Variants in WDR47 observed in about 807,000 individuals in gnomAD.
The protein encoded by WDR47 is WD repeat domain 47.
WDR47 carries 32 observed loss-of-function variants against 97.2 expected under a neutral mutation model. The observed-to-expected ratio is 0.33, with a 90% CI of 0.25 to 0.44. The LOEUF (loss-of-function observed/expected upper bound fraction) is 0.44, where lower values mean the gene tolerates loss of function less well. WDR47 is among the 20% of genes least tolerant of loss of function. The pLI, the probability that WDR47 is intolerant of heterozygous loss-of-function variation, is 1.00. For synonymous variants in WDR47, 375 were observed against 373.5 expected, an observed-to-expected ratio of 1.00 and a Z score of -0.05; for missense variants, 782 against 1,102.3, an observed-to-expected ratio of 0.71 and a Z score of 4.11.
chr1:108,983,103 G>C (rs568601621), intron 11 of WDR47, among the ~76,000 whole-genome samples, 179 bp downstream of exon 11: 1 of 151,830 alleles, frequency 6.6e-6, no homozygotes, highest in Non-Finnish European at 1.5e-5. Context: ...ACACCTGTAA[G>C]AATTTACTAA....
At chr1:109,015,715 C>T (rs543355408) in intron 3 of WDR47, among the ~76,000 whole-genome samples, 3 of 151,378 alleles carry the variant, frequency 2.0e-5, no homozygotes, top group African/African-American at 7.3e-5. Context: ...TTGCCAGGTG[C>T]GTTGGCTCAA....
rs777433340 is a variant in WDR47, at chr1:109,002,422, A to T, written c.1255-20T>A. ...TCGAAGCTTAAAAACATTAGAAAAA[A>T]ACATATATATTTGAGCAAACTATGA... On this transcript the variant is annotated intron_variant, in intron 6 of 14. Coordinates refer to ENST00000369962, the MANE Select transcript of WDR47 (RefSeq NM_001142551.2). 1.6e-4 allele frequency: 244 copies of T among 1,551,708 alleles called. 2 individuals carry two copies. The highest frequency in any genetic ancestry group is 1.1e-3 in the East Asian group (49 of 42,896).
At chr1:109,013,811 G>A (rs931774793) in intron 4 of WDR47, 30 bp downstream of exon 4, 7 of 1,607,606 alleles carry the variant, frequency 4.4e-6, no homozygotes, top group Non-Finnish European at 5.9e-6. Flanking sequence ...ACAAGACTAG[G>A]GCGCAAACCT....
chr1:109,033,887 T>G (rs529787952), intron 1 of WDR47, among the ~76,000 whole-genome samples: 58 of 151,794 alleles, frequency 3.8e-4, no homozygotes, highest in African/African-American at 1.3e-3. Context: ...GCCACTGCAC[T>G]CCAGCCTGGC....
chr1:109,021,283 T>G (rs1042017124), intron 2 of WDR47, among the ~76,000 whole-genome samples: 5 of 152,108 alleles, frequency 3.3e-5, no homozygotes, highest in Non-Finnish European at 5.9e-5. Context: ...ATCCCAGCAC[T>G]TTGGGAGGCC....
In WDR47 at chr1:109,004,657, C is replaced by G; in HGVS notation, c.1189G>C (p.Val397Leu). 6.2e-7 allele frequency: 1 copy of G among 1,613,682 alleles called. No individual in the cohort carries two copies. Among genetic ancestry groups the G allele is most frequent in the Non-Finnish European group, 8.5e-7 (1 of 1,179,830 alleles). Residue 397 changes from valine (V) to leucine (L), a missense_variant, in exon 6 of 15, where the codon GTT becomes CTT. Physicochemically the swap from Val to Leu is conservative, Grantham distance 32. Coordinates refer to ENST00000369962, the MANE Select transcript of WDR47 (RefSeq NM_001142551.2). ...CCATTTGCAGGCTCTTTTTCTGAAACTGAACTCTGGCCCAAGATTTCACTG... is the reference window on the plus strand; with the variant it reads ...CCATTTGCAGGCTCTTTTTCTGAAAGTGAACTCTGGCCCAAGATTTCACTG... ...IGSEILGQSS[V>L]SEKEPANGAQ... is the part of the protein sequence containing the mutation.
chr1:109,012,922 T>G (rs1188196519), intron 4 of WDR47, among the ~76,000 whole-genome samples: 2 of 152,222 alleles, frequency 1.3e-5, no homozygotes, highest in African/African-American at 2.4e-5. Context: ...AAGTCCCCAC[T>G]GTAAAATCCT....
intron 1 of WDR47, among the ~76,000 whole-genome samples, chr1:109,024,288 C>T (rs1447108436): frequency 6.6e-6 from 1 of 151,518 alleles, no homozygotes; most frequent in Non-Finnish European, 1.5e-5. Flanking sequence ...CACATCTGTA[C>T]AAAAAAAATT....
At chr1:109,003,199 C>T (rs35190693) in intron 6 of WDR47, among the ~76,000 whole-genome samples, 16,215 of 151,994 alleles carry the variant, frequency 0.11, 1,004 homozygotes, top group African/African-American at 0.16. Flanking sequence ...CCTCTATATC[C>T]TTATTGATCT....
At chr1:109,035,930 A>G (rs1016124394) in intron 1 of WDR47, among the ~76,000 whole-genome samples, 1 of 151,976 alleles carries the variant, frequency 6.6e-6, no homozygotes, top group Non-Finnish European at 1.5e-5. Context: ...CGCTCAAGCA[A>G]TTCTTCTGCC....
intron 8 of WDR47, among the ~76,000 whole-genome samples, chr1:108,991,657 C>T (rs1422673433): frequency 6.6e-6 from 1 of 152,104 alleles, no homozygotes; most frequent in South Asian, 2.1e-4. Flanking sequence ...CTGGAGAATG[C>T]TCTTCAGGAA....
At chr1:109,029,768 T>C (rs995104365) in intron 1 of WDR47, among the ~76,000 whole-genome samples, 4 of 150,528 alleles carry the variant, frequency 2.7e-5, no homozygotes, top group African/African-American at 9.7e-5. Flanking sequence ...TCCCAGCTAC[T>C]CGAGAGGCTG....
rs1657419588 is a variant in WDR47, at chr1:108,971,113, A to C, written c.*317T>G. ...CTGTTATTTAGGCAAAGACCAAGGA[A>C]TGCATTGAATACTAAACCGTAAACA... is the stretch of plus-strand genomic sequence containing the variant. On this transcript the variant is annotated 3_prime_UTR_variant, in exon 15 of 15. Coordinates refer to ENST00000369962, the MANE Select transcript of WDR47 (RefSeq NM_001142551.2). 2 of 233,806 alleles carry C rather than the reference A, an allele frequency of 8.6e-6. No individual in the cohort carries two copies. The highest frequency in any genetic ancestry group is 8.3e-6 in the Non-Finnish European group (1 of 120,614). 14.5% of individuals were successfully genotyped at this position (233,806 alleles called of 1,614,324 possible). A position where few individuals can be genotyped will look rare whatever the true frequency, so the allele number is the denominator to read the frequency against.
intron 13 of WDR47, 59 bp from the exon 14 acceptor site, chr1:108,974,813 C>A (rs1657756971): frequency 1.1e-5 from 14 of 1,284,722 alleles, no homozygotes; most frequent in Non-Finnish European, 1.5e-5. Flanking sequence ...AATGGCAACA[C>A]AGCTGATTAT....
At chr1:109,040,023 G>A (rs1663238737) in intron 1 of WDR47, among the ~76,000 whole-genome samples, 1 of 133,254 alleles carries the variant, frequency 7.5e-6, no homozygotes, top group African/African-American at 2.9e-5. Context: ...ATGACAGAGT[G>A]AGACTCCGTC....
intron 1 of WDR47, among the ~76,000 whole-genome samples, chr1:109,034,767 T>C (rs1662817921): frequency 1.3e-5 from 2 of 152,160 alleles, no homozygotes; most frequent in Admixed American, 1.3e-4. Context: ...AACCAACCAG[T>C]ACCTGGTGCC....
rs546987499 is a variant in WDR47 at position 108,979,591 on chromosome 1, T to A, written c.2398+2142A>T. 2.3e-3 allele frequency among the ~76,000 whole-genome samples: 353 copies of A among 151,934 alleles called. 2 individuals are homozygous for A. Among genetic ancestry groups the A allele is most frequent in the African/African-American group, 8.1e-3 (336 of 41,454 alleles). On this transcript the variant is annotated intron_variant, in intron 13 of 14. Coordinates refer to ENST00000369962, the MANE Select transcript of WDR47 (RefSeq NM_001142551.2). ...CAGAGAGAGGAAAAATATATGTGAA[T>A]GTGGGATGATGGGAGTTGGAAAGGC...
rs552098288 is a variant in WDR47, at chr1:108,988,452, A to C, written c.1768-1772T>G. Among the ~76,000 whole-genome samples the C allele has an allele frequency of 2.6e-5, 4 of 152,264 alleles. No homozygotes were observed. The South Asian group carries it at 8.3e-4, about 32-fold the overall frequency. On this transcript the variant is annotated intron_variant, in intron 9 of 14. Coordinates refer to ENST00000369962, the MANE Select transcript of WDR47 (RefSeq NM_001142551.2). ...TGAATATTTCAGTATTTCAAGCTGA[A>C]GTTATAAAATATCCCTTTAACAGCC... is the stretch of plus-strand genomic sequence containing the variant.
At chr1:108,983,230 A>C (rs1658483206) in intron 11 of WDR47, 52 bp downstream of exon 11, 22 of 1,455,208 alleles carry the variant, frequency 1.5e-5, no homozygotes, top group Non-Finnish European at 2.0e-5. Flanking sequence ...CATGGAGAAA[A>C]CATAACATAT....
Sources: allele counts gnomAD v4.1 joint callset (sites outside exome capture counted in the v4.1 genomes callset), GRCh38; gene constraint gnomAD v4.1.1; transcripts MANE v1.5; gene names NCBI Gene and HGNC (gene_info 2026-07-23, HGNC 2026-07-21).